MNAT1: variants seen among roughly 807,000 people sequenced by gnomAD.
The protein encoded by MNAT1 is MNAT1 component of CDK activating kinase.
Under a neutral mutation model 42.0 loss-of-function variants are expected in MNAT1, and 43 were observed. The observed-to-expected ratio is 1.02, with a 90% CI of 0.80 to 1.32. MNAT1 has a LOEUF of 1.32. MNAT1 is among the 40% of genes most tolerant of loss of function. The pLI, the probability that MNAT1 is intolerant of heterozygous loss-of-function variation, is 0.00. For synonymous variants in MNAT1, 118 were observed against 120.0 expected (o/e 0.98, Z 0.11); for missense variants, 306 against 350.4 (o/e 0.87, Z 1.01).
At chr14:60,961,264 C>T (rs767846298) in intron 7 of MNAT1, among the ~76,000 whole-genome samples, 3 of 152,162 alleles carry the variant, frequency 2.0e-5, no homozygotes, top group African/African-American at 7.2e-5. Flanking sequence ...GCCCGGCCAT[C>T]AGCTTTCTAA....
At chr14:60,762,150 A>G (rs2030626679) in intron 1 of MNAT1, among the ~76,000 whole-genome samples, 1 of 151,702 alleles carries the variant, frequency 6.6e-6, no homozygotes, top group Admixed American at 6.6e-5. Flanking sequence ...TGCTGCTTTG[A>G]TTTGAGTCAG....
At chr14:60,757,100 T>G (rs766509693) in intron 1 of MNAT1, among the ~76,000 whole-genome samples, 3 of 152,152 alleles carry the variant, frequency 2.0e-5, no homozygotes, top group Non-Finnish European at 4.4e-5. Flanking sequence ...ATATGCAACT[T>G]TCTGGTACTG....
chr14:60,833,998 A>G (rs1338540499), intron 6 of MNAT1, among the ~76,000 whole-genome samples: 1 of 152,082 alleles, frequency 6.6e-6, no homozygotes, highest in Non-Finnish European at 1.5e-5. Context: ...GGTAGTTTGT[A>G]TTTCTGTGGG....
intron 7 of MNAT1, among the ~76,000 whole-genome samples, chr14:60,964,522 A>G (rs2036649244): frequency 6.6e-6 from 1 of 152,198 alleles, no homozygotes; most frequent in Admixed American, 6.5e-5. Flanking sequence ...TACCAAAATA[A>G]GCAAACCTCG....
At chr14:60,812,297 G>A (rs186252548) in intron 5 of MNAT1, among the ~76,000 whole-genome samples, 170 bp downstream of exon 5, 2 of 152,276 alleles carry the variant, frequency 1.3e-5, no homozygotes, top group East Asian at 3.9e-4. Context: ...TGAATAAGAG[G>A]TTGCCCTCCA....
chr14:60,747,420 T>G (rs2029884500), intron 1 of MNAT1, among the ~76,000 whole-genome samples: 1 of 152,208 alleles, frequency 6.6e-6, no homozygotes, highest in Non-Finnish European at 1.5e-5. Flanking sequence ...AAGGTGTAGC[T>G]TATTGCTCCT....
chr14:60,926,724 T>C (rs979423109), intron 7 of MNAT1, among the ~76,000 whole-genome samples: 2 of 152,176 alleles, frequency 1.3e-5, no homozygotes, highest in African/African-American at 2.4e-5. Flanking sequence ...TGGATTTTTA[T>C]GAAGGCTTAA....
chr14:60,793,927 A>T (rs1443978488), intron 1 of MNAT1, among the ~76,000 whole-genome samples: 1 of 152,198 alleles, frequency 6.6e-6, no homozygotes, highest in African/African-American at 2.4e-5. Context: ...GCAATAAAAA[A>T]TTTTAATACT....
intron 7 of MNAT1, among the ~76,000 whole-genome samples, chr14:60,885,545 C>T (rs1311437342): frequency 6.6e-6 from 1 of 151,926 alleles, no homozygotes; most frequent in Non-Finnish European, 1.5e-5. Flanking sequence ...TTTGGCCATT[C>T]ATATGTTATC....
intron 7 of MNAT1, among the ~76,000 whole-genome samples, chr14:60,888,080 C>A (rs1217968150): frequency 6.7e-6 from 1 of 149,730 alleles, no homozygotes; most frequent in African/African-American, 2.5e-5. Flanking sequence ...AAGAGGGAAT[C>A]CTCCCTAACT....
intron 6 of MNAT1, among the ~76,000 whole-genome samples, chr14:60,854,227 C>T (rs2033899384): frequency 6.6e-6 from 1 of 152,122 alleles, no homozygotes; most frequent in African/African-American, 2.4e-5. Flanking sequence ...TTTTAACTTT[C>T]TTGCATTGAG....
At chr14:60,939,577 T>G (rs1035485719) in intron 7 of MNAT1, among the ~76,000 whole-genome samples, 1 of 152,246 alleles carries the variant, frequency 6.6e-6, no homozygotes, top group Non-Finnish European at 1.5e-5. Context: ...TCTAGTTTGA[T>G]TGCACTGTGG....
intron 7 of MNAT1, among the ~76,000 whole-genome samples, chr14:60,940,542 C>G (rs7142069): frequency 0.89 from 134,923 of 151,994 alleles, 60,893 homozygotes; most frequent in Non-Finnish European, 0.99. Flanking sequence ...CTCAGCCTCC[C>G]GAGTAGCTGG....
chr14:60,965,138 T>C (rs927163884), intron 7 of MNAT1, among the ~76,000 whole-genome samples: 2 of 152,200 alleles, frequency 1.3e-5, no homozygotes, highest in Non-Finnish European at 2.9e-5. Flanking sequence ...ATGTAAATGA[T>C]TGCTAGAAGG....
chr14:60,944,201 C>T (rs183361797), intron 7 of MNAT1, among the ~76,000 whole-genome samples: 2 of 152,278 alleles, frequency 1.3e-5, no homozygotes, highest in African/African-American at 4.8e-5. Context: ...TTAACTGACT[C>T]TTACCCTGAA....
chr14:60,935,830 T>C (rs2139577438), intron 7 of MNAT1, among the ~76,000 whole-genome samples: 1 of 152,274 alleles, frequency 6.6e-6, no homozygotes, highest in Middle Eastern at 3.4e-3. Context: ...ATAAGGAAAT[T>C]GAACATCAAG....
chr14:60,956,995 A>G (rs2036498561), intron 7 of MNAT1, among the ~76,000 whole-genome samples: 1 of 152,130 alleles, frequency 6.6e-6, no homozygotes, highest in Non-Finnish European at 1.5e-5. Flanking sequence ...TAAAGTAATG[A>G]TTGATAGGTA....
chr14:60,734,963 G>C lies in MNAT1; in HGVS notation c.89+12G>C. On this transcript the variant is annotated intron_variant, in intron 1 of 7. Transcript: ENST00000261245. This position sits in a 1 kb window ranked among gnomAD's most constrained non-coding sequence, Gnocchi z 4.3. ...TGCGGACACACTCTGTGAGTTGGGC[G>C]GCAGTGGATTCCCTGGGGGAGAGAC... 1.2e-6 allele frequency: 2 copies of C among 1,613,782 alleles called. No homozygotes were observed. The highest frequency in any genetic ancestry group is 1.7e-6 in the Non-Finnish European group (2 of 1,179,670).
chr14:60,783,362 A>G (rs2031532684), intron 1 of MNAT1, among the ~76,000 whole-genome samples: 3 of 152,228 alleles, frequency 2.0e-5, no homozygotes, highest in African/African-American at 7.2e-5. Flanking sequence ...GGAGAAAATC[A>G]TATTTAGTGC....
Sources: allele counts gnomAD v4.1 joint callset (sites outside exome capture counted in the v4.1 genomes callset), GRCh38; gene constraint gnomAD v4.1.1; non-coding constraint Gnocchi (gnomAD v3.1); transcripts MANE v1.5; gene names NCBI Gene and HGNC (gene_info 2026-07-23, HGNC 2026-07-21).